The following ST8SIA5 variants were observed in gnomAD, a reference collection of about 807,000 sequenced individuals.
ST8SIA5 encodes the protein alpha-2,8-sialyltransferase 8E.
A neutral mutation model predicts 40.2 loss-of-function variants in ST8SIA5; 24 were observed. The ratio of observed to expected loss-of-function variants is 0.60; its 90% confidence interval spans 0.43 to 0.84. The LOEUF (loss-of-function observed/expected upper bound fraction) is 0.84, where lower values mean the gene tolerates loss of function less well. Ranked by LOEUF, ST8SIA5 falls within the 40% of genes least tolerant of loss-of-function variation. The pLI is 0.00. For synonymous variants in ST8SIA5, 198 were observed against 201.8 expected (o/e 0.98, Z 0.16); for missense variants, 465 against 498.5 (o/e 0.93, Z 0.64).
At chr18:46,749,991 C>T (rs62097218) in intron 1 of ST8SIA5, among the ~76,000 whole-genome samples, 5,004 of 152,272 alleles carry the variant, frequency 0.033, 128 homozygotes, top group East Asian at 0.1. Flanking sequence ...CCCAACCATG[C>T]TATCACCTTG....
chr18:46,756,312 G>C, intron 1 of ST8SIA5, 66 bp downstream of exon 1: 1 of 1,593,334 alleles, frequency 6.3e-7, no homozygotes, highest in African/African-American at 1.4e-5. Context: ...AGCTGCCGCG[G>C]CCACTGCCAC....
At chr18:46,744,438 T>C (rs915044028) in intron 1 of ST8SIA5, among the ~76,000 whole-genome samples, 1 of 149,676 alleles carries the variant, frequency 6.7e-6, no homozygotes, top group Non-Finnish European at 1.5e-5. Context: ...AAACAGACTT[T>C]AAGCCAACAA....
chr18:46,680,081 G>A lies in ST8SIA5; in HGVS notation c.1092C>T (p.Gly364=), dbSNP rs777875690. ...AGGTGCCCGTGTGCACGCGGAGGAT[G>A]CCTCGGCTGTGCAAGTGCAGGAAGT... The part of the protein sequence containing the change: ...IFNFLHLHSR[G]ILRVHTGTCS... The change falls in exon 7 of 7, where the codon GGC becomes GGT. Residue 364 remains glycine (G), a synonymous_variant. Transcript: ENST00000315087. 6.2e-7 allele frequency: 1 copy of A among 1,613,706 alleles called. No individual in the cohort carries two copies. Among genetic ancestry groups the A allele is most frequent in the African/African-American group, 1.3e-5 (1 of 74,962 alleles).
At chr18:46,749,480 A>C (rs79013896) in intron 1 of ST8SIA5, among the ~76,000 whole-genome samples, 6,912 of 152,310 alleles carry the variant, frequency 0.045, 193 homozygotes, top group Middle Eastern at 0.11. Context: ...ACAGTAAAAC[A>C]AGAACCATAT....
At chr18:46,723,737 C>G (rs2039886766) in intron 1 of ST8SIA5, among the ~76,000 whole-genome samples, 1 of 150,960 alleles carries the variant, frequency 6.6e-6, no homozygotes, top group South Asian at 2.1e-4. Context: ...ACCAGCCTGG[C>G]CAGCATGGTG....
rs532426382 is a variant in ST8SIA5, at chr18:46,694,255, C to A, written c.225-2000G>T. 2.0e-5 allele frequency among the ~76,000 whole-genome samples: 3 copies of A among 152,106 alleles called. No individual in the cohort carries two copies. In the East Asian group the frequency reaches 5.8e-4, roughly 29 times the overall value. ...TTTTTGTTTGTTTTTTAAGGTGGAT[C>A]CTATGGTCAAATATAGTTGGGGAAA... On this transcript the variant is annotated intron_variant, in intron 2 of 6. Transcript: ENST00000315087.
chr18:46,696,510 G>C (rs2039558225), intron 2 of ST8SIA5, among the ~76,000 whole-genome samples: 3 of 152,174 alleles, frequency 2.0e-5, no homozygotes, highest in Admixed American at 2.0e-4. Context: ...CAGGGCCTGG[G>C]ACACCCAGCC....
chr18:46,725,412 T>A (rs118133698), intron 1 of ST8SIA5, among the ~76,000 whole-genome samples: 5,038 of 152,162 alleles, frequency 0.033, 121 homozygotes, highest in Middle Eastern at 0.054. Context: ...CACACTGTCA[T>A]CCTCCTACCC....
chr18:46,710,683 T>TG (rs1339889518), intron 1 of ST8SIA5, among the ~76,000 whole-genome samples: 4 of 151,620 alleles, frequency 2.6e-5, no homozygotes, highest in Non-Finnish European at 4.4e-5. Flanking sequence ...GCCCAGGGTC[T>TG]GGCCCTCTGA....
At chr18:46,710,903 C>A (rs2039725716) in intron 1 of ST8SIA5, among the ~76,000 whole-genome samples, 1 of 152,166 alleles carries the variant, frequency 6.6e-6, no homozygotes, top group Non-Finnish European at 1.5e-5. Flanking sequence ...ATCCCCACCC[C>A]CAGACACTGA....
chr18:46,685,425 G>A (rs567898070), intron 5 of ST8SIA5, among the ~76,000 whole-genome samples: 8 of 152,292 alleles, frequency 5.3e-5, no homozygotes, highest in South Asian at 4.1e-4. Context: ...CTCACACTCC[G>A]CCTGTGACAG....
rs111560648 is a variant in ST8SIA5, at chr18:46,670,011, G to A, written c.*10031C>T. On this transcript the variant is annotated 3_prime_UTR_variant, in exon 7 of 7. Coordinates refer to ENST00000315087, the MANE Select transcript of ST8SIA5 (RefSeq NM_013305.6). ...TTGAACCTGGGAGGCGGAGGTTGCCGTGAGCCGAGATCATGCCACTGCACT... is the reference window on the plus strand; with the variant it reads ...TTGAACCTGGGAGGCGGAGGTTGCCATGAGCCGAGATCATGCCACTGCACT... 10,668 of 151,750 alleles carry A rather than the reference G, an allele frequency of 0.07. 574 individuals are homozygous for A. The highest frequency in any genetic ancestry group is 0.33 in the East Asian group (1,691 of 5,092). The allele number at this position is 151,750 out of a possible 1,614,324, so 9.4% of individuals were successfully genotyped here.
At chr18:46,720,847 A>G (rs1002990118) in intron 1 of ST8SIA5, among the ~76,000 whole-genome samples, 5 of 152,178 alleles carry the variant, frequency 3.3e-5, no homozygotes, top group Non-Finnish European at 5.9e-5. Context: ...GGAAATAGCC[A>G]CATGATGGGG....
At position 46,692,036 on chromosome 18, in the gene ST8SIA5, C is replaced by T. The variant is rs993788694; in HGVS notation, c.311+133G>A. ...CAGATCTCCCCCACTGCCCGGATTCCTAAGCCCAGTCAGGGTCTGCTCTGG... is the reference window on the plus strand; with the variant it reads ...CAGATCTCCCCCACTGCCCGGATTCTTAAGCCCAGTCAGGGTCTGCTCTGG... On this transcript the variant is annotated intron_variant, in intron 3 of 6. Transcript: ENST00000315087. 4 of 905,518 alleles carry T rather than the reference C, an allele frequency of 4.4e-6. No homozygotes were observed. In the Admixed American group the frequency reaches 7.7e-5, roughly 17 times the overall value. 56.1% of individuals were successfully genotyped at this position (905,518 alleles called of 1,614,324 possible). A position where few individuals can be genotyped will look rare whatever the true frequency, so the allele number is the denominator to read the frequency against.
At chr18:46,712,701 T>C (rs1326796941) in intron 1 of ST8SIA5, among the ~76,000 whole-genome samples, 3 of 152,190 alleles carry the variant, frequency 2.0e-5, no homozygotes, top group Non-Finnish European at 4.4e-5. Context: ...CCCTCTACTG[T>C]GTGCCAGGAA....
At chr18:46,704,792 C>G (rs559691345) in intron 1 of ST8SIA5, 128 bp from the exon 2 acceptor site, 7 of 766,576 alleles carry the variant, frequency 9.1e-6, no homozygotes, top group East Asian at 7.8e-5. Flanking sequence ...CCCATCCCAG[C>G]AGATGTCCCA....
At chr18:46,713,650 G>A (rs1410763756) in intron 1 of ST8SIA5, among the ~76,000 whole-genome samples, 1 of 152,136 alleles carries the variant, frequency 6.6e-6, no homozygotes. Flanking sequence ...CAGAGCCCAG[G>A]GACATGGAAG....
intron 1 of ST8SIA5, among the ~76,000 whole-genome samples, chr18:46,716,490 G>C (rs1306803493): frequency 6.6e-6 from 1 of 152,180 alleles, no homozygotes; most frequent in Non-Finnish European, 1.5e-5. Flanking sequence ...GGCCAGCCCC[G>C]CTCCGGACCT....
intron 1 of ST8SIA5, among the ~76,000 whole-genome samples, chr18:46,747,673 AG>A (rs1400380219): frequency 6.6e-6 from 1 of 152,230 alleles, no homozygotes; most frequent in Non-Finnish European, 1.5e-5. Flanking sequence ...TGGTTCCTCA[AG>A]GATCCAGAAC....
Sources: gnomAD v4.1 joint callset for allele counts (sites outside exome capture counted in the v4.1 genomes callset) on GRCh38, gnomAD v4.1.1 for gene constraint, MANE v1.5 for transcripts, NCBI Gene and HGNC (gene_info 2026-07-23, HGNC 2026-07-21) for gene names.